The following SERPIND1 variants were observed in gnomAD, a reference collection of about 807,000 sequenced individuals.
The protein encoded by SERPIND1 is serpin family D member 1, also known as heparin cofactor 2.
SERPIND1 carries 34 observed loss-of-function variants against 35.0 expected under a neutral mutation model. The ratio of observed to expected loss-of-function variants is 0.97; its 90% CI spans 0.74 to 1.29. The LOEUF is 1.29. SERPIND1 is among the 50% of genes most tolerant of loss of function. The pLI is 0.00. For missense variants in SERPIND1, 633 were observed against 637.7 expected (o/e 0.99, Z 0.08); for synonymous variants, 236 against 241.1 (o/e 0.98, Z 0.19).
Position 20,779,868 on chromosome 22 carries a change from T to G in SERPIND1, c.556T>G (p.Phe186Val). 6.2e-7 allele frequency: 1 copy of G among 1,614,248 alleles called. No individual in the cohort carries two copies. Among genetic ancestry groups the G allele is most frequent in the Non-Finnish European group, 8.5e-7 (1 of 1,180,040 alleles). The change falls in exon 2 of 5, where the codon TTT (phenylalanine) becomes GTT (valine). Residue 186 changes from phenylalanine (F) to valine (V), a missense_variant. By Grantham distance (50) the Phe-to-Val change is conservative. Transcript: ENST00000215727. ...QVHSILHFKD[F>V]VNASSKYEIT... The stretch of plus-strand genomic sequence containing the variant: ...GCACTCGATTTTGCATTTTAAAGAC[T>G]TTGTTAATGCCAGCAGCAAGTATGA...
chr22:20,781,841 A>G (rs890761289), intron 2 of SERPIND1, among the ~76,000 whole-genome samples: 1 of 152,226 alleles, frequency 6.6e-6, no homozygotes. Flanking sequence ...GTGACCTCAG[A>G]CAAGTCATTC....
chr22:20,774,758 CAAAAA>C (rs361993), intron 1 of SERPIND1, among the ~76,000 whole-genome samples: 5 of 107,356 alleles, frequency 4.7e-5, no homozygotes, highest in Admixed American at 1.9e-4. Flanking sequence ...TAGACTCCGT[CAAAAA>C]AAAAAAAAAA....
chr22:20,782,354 TC>T (rs940258240), intron 2 of SERPIND1, among the ~76,000 whole-genome samples: 2 of 152,286 alleles, frequency 1.3e-5, no homozygotes, highest in African/African-American at 2.4e-5. Flanking sequence ...CTGCTTCCTT[TC>T]CCCATCATGA....
rs760557848 is a variant in SERPIND1, at chr22:20,786,036, TGGA to T, written c.1198_1200del (p.Glu400del). The T allele has an allele frequency of 2.5e-6, 4 of 1,614,058 alleles. No individual in the cohort carries two copies. The African/African-American group carries it at 4.0e-5, about 16-fold the overall frequency. The stretch of plus-strand genomic sequence containing the variant: ...GAAGTGCTTCTGCCGAAATTCAAGC[TGGA>T]GAAGAACTACAATCTAGTGGAGTCC... On this transcript the variant is annotated inframe_deletion, in exon 4 of 5. Transcript: ENST00000215727.
chr22:20,774,481 G>A lies in SERPIND1; in HGVS notation c.-17+336G>A, dbSNP rs533197515. Among the ~76,000 whole-genome samples the A allele has an allele frequency of 3.3e-5, 5 of 152,334 alleles. No individual in the cohort carries two copies. In the South Asian group the frequency reaches 8.3e-4, roughly 25 times the overall value. ...AAGTATTAGTATTAAAGGTTAGAGG[G>A]GCCGGGTGCAGTGGCTCACGCCTGT... On this transcript the variant is annotated intron_variant, in intron 1 of 4. Transcript: ENST00000215727.
intron 1 of SERPIND1, among the ~76,000 whole-genome samples, chr22:20,776,836 A>G (rs1000363942): frequency 2.6e-5 from 4 of 152,182 alleles, no homozygotes; most frequent in Admixed American, 2.0e-4. Context: ...CATTATCAAC[A>G]TTAACCACAC....
chr22:20,786,103 T>C lies in SERPIND1; in HGVS notation c.1263T>C (p.Asn421=). The C allele has an allele frequency of 6.2e-7, 1 of 1,614,050 alleles. No homozygotes were observed. The highest frequency in any genetic ancestry group is 8.5e-7 in the Non-Finnish European group (1 of 1,180,018). The part of the protein sequence containing the change: ...LMGIRMLFDK[N]GNMAGISDQR... ...GGATCAGGATGCTGTTTGACAAAAATGGCAACATGGCAGGCATCTCAGACC... is the reference window on the plus strand; with the variant it reads ...GGATCAGGATGCTGTTTGACAAAAACGGCAACATGGCAGGCATCTCAGACC... The change falls in exon 4 of 5, where the codon AAT becomes AAC. Residue 421 remains asparagine (N), a synonymous_variant. Coordinates refer to ENST00000215727, the MANE Select transcript of SERPIND1 (RefSeq NM_000185.4).
intron 2 of SERPIND1, among the ~76,000 whole-genome samples, chr22:20,780,664 T>C (rs1933706785): frequency 6.6e-6 from 1 of 150,624 alleles, no homozygotes; most frequent in Non-Finnish European, 1.5e-5. Flanking sequence ...TACTCCCAGC[T>C]ACTTGGGAGG....
Position 20,784,551 on chromosome 22 carries a change from G to A in SERPIND1, c.1163+306G>A, listed in dbSNP as rs543013760. Reference sequence around the variant, plus strand: ...CCCAGCTTCATCATCCCTAAAATGGGTATAATTCCATTACTTCCCCGGGTC... The same window carrying A: ...CCCAGCTTCATCATCCCTAAAATGGATATAATTCCATTACTTCCCCGGGTC... On this transcript the variant is annotated intron_variant, in intron 3 of 4. Coordinates refer to ENST00000215727, the MANE Select transcript of SERPIND1 (RefSeq NM_000185.4). 7.0e-4 allele frequency among the ~76,000 whole-genome samples: 107 copies of A among 152,196 alleles called. 1 individual carries two copies. The highest frequency in any genetic ancestry group is 1.8e-3 in the African/African-American group (76 of 41,522).
chr22:20,784,201 G>A lies in SERPIND1; in HGVS notation c.1119G>A (p.Leu373=). 6.2e-7 allele frequency: 1 copy of A among 1,614,192 alleles called. No individual in the cohort carries two copies. Among genetic ancestry groups the A allele is most frequent in the Admixed American group, 1.7e-5 (1 of 60,018 alleles). Residue 373 remains leucine, a synonymous_variant, in exon 3 of 5, where the codon CTG becomes CTA. Coordinates refer to ENST00000215727, the MANE Select transcript of SERPIND1 (RefSeq NM_000185.4). The part of the protein sequence containing the change: ...MSGMKTLEAQ[L]TPRVVERWQK... ...GGATGAAGACCCTCGAAGCGCAACT[G>A]ACACCCCGGGTGGTGGAGAGATGGC...
chr22:20,779,932 A>G lies in SERPIND1; in HGVS notation c.620A>G (p.His207Arg). The G allele has an allele frequency of 6.2e-7, 1 of 1,614,216 alleles. No homozygotes were observed. Among genetic ancestry groups the G allele is most frequent in the Non-Finnish European group, 8.5e-7 (1 of 1,180,036 alleles). ...CATAATCTCTTCCGTAAGCTGACTC[A>G]TCGCCTCTTCAGGAGGAATTTTGGG... ...TIHNLFRKLT[H>R]RLFRRNFGYT... Residue 207 changes from histidine to arginine, a missense_variant, in exon 2 of 5, where the codon CAT (histidine) becomes CGT (arginine). His to Arg is a conservative substitution (Grantham distance 29, BLOSUM62 0). Transcript: ENST00000215727.
At chr22:20,783,037 G>A (rs1050400257) in intron 2 of SERPIND1, among the ~76,000 whole-genome samples, 2 of 152,186 alleles carry the variant, frequency 1.3e-5, no homozygotes, top group Non-Finnish European at 2.9e-5. Flanking sequence ...ATAACAAAAC[G>A]CACACAACTT....
Position 20,783,979 on chromosome 22 carries a change from G to A in SERPIND1, c.897G>A (p.Trp299Ter). 2 of 1,614,098 alleles carry A rather than the reference G, an allele frequency of 1.2e-6. No homozygotes were observed. The highest frequency in any genetic ancestry group is 1.7e-6 in the Non-Finnish European group (2 of 1,180,036). Residue 299 changes from tryptophan to a stop codon, truncating the protein, a stop_gained, in exon 3 of 5, where the codon TGG becomes TGA. Transcript: ENST00000215727. LOFTEE classifies it high-confidence loss of function. ...ILNCIYFKGS[W>*]VNKFPVEMTH... is the part of the protein sequence containing the mutation. ...TTCCTGTGGCCTTTACAGGATCCTG[G>A]GTGAATAAATTCCCAGTGGAAATGA...
rs2147516786 is a variant in SERPIND1, at chr22:20,786,112, G to A, written c.1272G>A (p.Met424Ile). The change falls in exon 4 of 5, where the codon ATG becomes ATA. Residue 424 changes from methionine (M) to isoleucine (I), a missense_variant. Physicochemically the swap from Met to Ile is conservative, Grantham distance 10. Transcript: ENST00000215727. ...TGCTGTTTGACAAAAATGGCAACATGGCAGGCATCTCAGACCAAAGGATCG... is the reference window on the plus strand; with the variant it reads ...TGCTGTTTGACAAAAATGGCAACATAGCAGGCATCTCAGACCAAAGGATCG... ...IRMLFDKNGNMAGISDQRIAI... is the reference protein window; with the variant it reads ...IRMLFDKNGNIAGISDQRIAI... 6.2e-7 allele frequency: 1 copy of A among 1,614,094 alleles called. No homozygotes were observed. The highest frequency in any genetic ancestry group is 8.5e-7 in the Non-Finnish European group (1 of 1,180,024).
rs1452274732 is a variant in SERPIND1 at position 20,779,867 on chromosome 22, C to T, written c.555C>T (p.Asp185=). 6.2e-7 allele frequency: 1 copy of T among 1,614,086 alleles called. No individual in the cohort carries two copies. Among genetic ancestry groups the T allele is most frequent in the African/African-American group, 1.3e-5 (1 of 74,926 alleles). ...TGCACTCGATTTTGCATTTTAAAGA[C>T]TTTGTTAATGCCAGCAGCAAGTATG... ...EQVHSILHFK[D]FVNASSKYEI... The change falls in exon 2 of 5, where the codon GAC becomes GAT. Residue 185 remains aspartate (D), a synonymous_variant. Transcript: ENST00000215727.
At position 20,786,891 on chromosome 22, in the gene SERPIND1, C is replaced by T. The variant is rs5904; in HGVS notation, c.1325C>T (p.Thr442Met). ...TCCAAACAGTTCAAGCACCAAGGCA[C>T]GATCACAGTGAACGAGGAAGGCACC... ...IAIDLFKHQG[T>M]ITVNEEGTQA... The change falls in exon 5 of 5, where the codon ACG (threonine) becomes ATG (methionine). Residue 442 changes from threonine (T) to methionine (M), a missense_variant. Coordinates refer to ENST00000215727, the MANE Select transcript of SERPIND1 (RefSeq NM_000185.4). The T allele has an allele frequency of 5.2e-4, 839 of 1,614,164 alleles. 5 individuals are homozygous for T. In the African/African-American group the frequency reaches 9.5e-3, roughly 18 times the overall value.
chr22:20,784,283 G>A, intron 3 of SERPIND1, 38 bp downstream of exon 3: 1 of 1,613,756 alleles, frequency 6.2e-7, no homozygotes, highest in Non-Finnish European at 8.5e-7. Context: ...TGAGCTCCCA[G>A]ATGCTGGGGG....
chr22:20,783,159 C>A (rs926178559), intron 2 of SERPIND1, among the ~76,000 whole-genome samples: 3 of 152,196 alleles, frequency 2.0e-5, no homozygotes, highest in Non-Finnish European at 4.4e-5. Flanking sequence ...TTACTCACAT[C>A]TTAGAGCTAA....
rs61730767 is a variant in SERPIND1 at position 20,779,719 on chromosome 22, A to T, written c.407A>T (p.Asn136Ile). 336 of 1,614,160 alleles carry T rather than the reference A, an allele frequency of 2.1e-4. No homozygotes were observed. The African/African-American group carries it at 4.1e-3, about 20-fold the overall frequency. The change falls in exon 2 of 5, where the codon AAC (asparagine) becomes ATC (isoleucine). Residue 136 changes from asparagine to isoleucine, a missense_variant. Physicochemically the swap from Asn to Ile is moderately radical, Grantham distance 149. Coordinates refer to ENST00000215727, the MANE Select transcript of SERPIND1 (RefSeq NM_000185.4). ...LNILNAKFAF[N>I]LYRVLKDQVN... ...ATCCTCAACGCCAAGTTCGCTTTCA[A>T]CCTCTACCGAGTGCTGAAAGACCAG...
Sources: allele counts gnomAD v4.1 joint callset (sites outside exome capture counted in the v4.1 genomes callset), GRCh38; gene constraint gnomAD v4.1.1; transcripts MANE v1.5; gene names NCBI Gene and HGNC (gene_info 2026-07-23, HGNC 2026-07-21).